SF3B3: variants seen among roughly 807,000 people sequenced by gnomAD.
The protein encoded by SF3B3 is SAP 130.
Under a neutral mutation model 139.2 loss-of-function variants are expected in SF3B3, and 33 were observed. The observed-to-expected ratio is 0.24, with a 90% confidence interval of 0.18 to 0.32. The LOEUF is 0.32. Ranked by LOEUF, SF3B3 falls within the 10% of genes least tolerant of loss-of-function variation. SF3B3 has a pLI of 1.00. For missense variants in SF3B3, 818 were observed against 1,509.4 expected (o/e 0.54, Z 7.59); for synonymous variants, 596 against 563.6 (o/e 1.06, Z -0.81).
Position 70,575,944 on chromosome 16 carries a change from G to C in SF3B3, c.*4131G>C, listed in dbSNP as rs1049406210. 6.6e-6 allele frequency: 1 copy of C among 152,190 alleles called. No homozygotes were observed. The highest frequency in any genetic ancestry group is 2.1e-4 in the South Asian group (1 of 4,822). The allele number at this position is 152,190 out of a possible 1,614,324, so 9.4% of individuals were successfully genotyped here. ...GGGGTCTGCTCCCAATTATTCACACGGTGGTTCATGCCTGGTAATCCCAGC... is the reference window on the plus strand; with the variant it reads ...GGGGTCTGCTCCCAATTATTCACACCGTGGTTCATGCCTGGTAATCCCAGC... On this transcript the variant is annotated 3_prime_UTR_variant, in exon 26 of 26. Transcript: ENST00000302516.
At chr16:70,568,777 T>G (rs2050501132) in intron 22 of SF3B3, among the ~76,000 whole-genome samples, 2 of 152,226 alleles carry the variant, frequency 1.3e-5, no homozygotes. Context: ...TATAAGAACT[T>G]TGGAATGTCT....
Position 70,554,575 on chromosome 16 carries a change from TAGG to T in SF3B3, c.1535_1537del (p.Gly512del). The T allele has an allele frequency of 6.2e-7, 1 of 1,614,140 alleles. No individual in the cohort carries two copies. Reference sequence around the variant, plus strand: ...ACCCCGACCTTGTCCTGCTCCTTATTAGGAGATGATGCCTTGGTGCAGGTGAGG... The same window carrying T: ...ACCCCGACCTTGTCCTGCTCCTTATTAGATGATGCCTTGGTGCAGGTGAGG... On this transcript the variant is annotated inframe_deletion, in exon 12 of 26. Coordinates refer to ENST00000302516, the MANE Select transcript of SF3B3 (RefSeq NM_012426.5).
In SF3B3 at chr16:70,562,085, G is replaced by A. The variant is rs151278191; in HGVS notation, c.2288+301G>A. On this transcript the variant is annotated intron_variant, in intron 17 of 25. Transcript: ENST00000302516. ...GTATTGCCATTGGATTAGTTTTAGA[G>A]CAAGTATTGGATCACTGCATTGATA... Among the ~76,000 whole-genome samples the A allele has an allele frequency of 3.7e-3, 559 of 152,268 alleles. 11 individuals are homozygous for A. The highest frequency in any genetic ancestry group is 0.013 in the African/African-American group (527 of 41,546).
At position 70,550,501 on chromosome 16, in the gene SF3B3, G is replaced by A. The variant is rs1160247460; in HGVS notation, c.1402+2059G>A. ...CTATAAATACAGGTCGGGTTCTGTT[G>A]GTTCACTCACTTTCCAGATACCCGA... On this transcript the variant is annotated intron_variant, in intron 11 of 25. Coordinates refer to ENST00000302516, the MANE Select transcript of SF3B3 (RefSeq NM_012426.5). 4 of 191,074 alleles carry A rather than the reference G, an allele frequency of 2.1e-5. No individual in the cohort carries two copies. The East Asian group carries it at 7.5e-4, about 36-fold the overall frequency. 11.8% of individuals were successfully genotyped at this position (191,074 alleles called of 1,614,324 possible).
At chr16:70,524,506 T>TAAAGCTTACCAAATTTATCTGGTATGTA (rs2050031651) in intron 1 of SF3B3, 1 of 152,228 alleles carries the variant, frequency 6.6e-6, no homozygotes, top group African/African-American at 2.4e-5. Context: ...GGGGAAGTTT[T>TAAAGCTTACCAAATTTATCTGGTATGTA]TTTTGTTTTG....
intron 1 of SF3B3, among the ~76,000 whole-genome samples, chr16:70,526,217 T>TA (rs113896356): frequency 3.3e-5 from 5 of 151,836 alleles, no homozygotes; most frequent in Admixed American, 6.6e-5. Flanking sequence ...TTTATTTATT[T>TA]TTTTTTTTGA....
rs532017082 is a variant in SF3B3, at chr16:70,524,631, A to T, written c.-71+703A>T. 8.0e-3 allele frequency: 1,212 copies of T among 151,812 alleles called. 5 individuals are homozygous for T. The highest frequency in any genetic ancestry group is 0.012 in the Non-Finnish European group (789 of 67,994). The allele number at this position is 151,812 out of a possible 1,614,324, so 9.4% of individuals were successfully genotyped here. On this transcript the variant is annotated intron_variant, in intron 1 of 25. Transcript: ENST00000302516. ...CGGGTTCCAGCGATTCTCTTACCTCAGCCTCCCGAGTAGACTAGCTGGGAT... is the reference window on the plus strand; with the variant it reads ...CGGGTTCCAGCGATTCTCTTACCTCTGCCTCCCGAGTAGACTAGCTGGGAT...
intron 4 of SF3B3, 38 bp downstream of exon 4, chr16:70,530,955 A>G: frequency 3.9e-6 from 6 of 1,545,492 alleles, no homozygotes; most frequent in South Asian, 1.2e-5. Context: ...TCTTTCAGTC[A>G]CCTCAGTGTT....
chr16:70,545,471 C>G (rs893540731), intron 10 of SF3B3, among the ~76,000 whole-genome samples: 2 of 152,276 alleles, frequency 1.3e-5, no homozygotes, highest in Non-Finnish European at 2.9e-5. Context: ...AATGTGGACA[C>G]TAAAAGTTAT....
chr16:70,527,372 G>A (rs547702640), intron 2 of SF3B3, among the ~76,000 whole-genome samples: 1 of 152,246 alleles, frequency 6.6e-6, no homozygotes, highest in East Asian at 1.9e-4. Context: ...CTTGCCATTT[G>A]CAGATTTAAC....
chr16:70,526,734 C>G lies in SF3B3; in HGVS notation c.70+8C>G. 2.5e-6 allele frequency: 4 copies of G among 1,594,166 alleles called. No homozygotes were observed. Among genetic ancestry groups the G allele is most frequent in the Non-Finnish European group, 3.4e-6 (4 of 1,161,878 alleles). On this transcript the variant is annotated splice_region_variant and intron_variant, in intron 2 of 25. Transcript: ENST00000302516. ...TTCATGGAAACTTTTCTGGTAAGTT[C>G]TCTCGTTACCATCTTTTGAAATTTT...
chr16:70,554,330 A>G, intron 11 of SF3B3, 116 bp from the exon 12 acceptor site: 1 of 922,990 alleles, frequency 1.1e-6, no homozygotes, highest in Non-Finnish European at 1.7e-6. Context: ...TGTGTGTAAT[A>G]ACTACACATA....
Position 70,568,467 on chromosome 16 carries a change from G to A in SF3B3, c.3137G>A (p.Gly1046Glu). The A allele has an allele frequency of 6.2e-7, 1 of 1,613,888 alleles. No individual in the cohort carries two copies. Among genetic ancestry groups the A allele is most frequent in the Non-Finnish European group, 8.5e-7 (1 of 1,179,874 alleles). Residue 1046 changes from glycine to glutamate, a missense_variant, in exon 22 of 26, where the codon GGG becomes GAG. Physicochemically the swap from Gly to Glu is moderately conservative, Grantham distance 98 (BLOSUM62 -2). Transcript: ENST00000302516. ...ASLLDYDTVA[G>E]ADKFGNICVV... ...CTCCTGGACTATGACACTGTGGCTG[G>A]GGCAGACAAGTTTGGCAACATATGT...
chr16:70,539,363 C>CATGGTGAAACCCCATCTCT (rs1326136395), intron 8 of SF3B3, among the ~76,000 whole-genome samples, 156 bp downstream of exon 8: 14 of 151,914 alleles, frequency 9.2e-5, no homozygotes, highest in Non-Finnish European at 2.1e-4. Context: ...GCCTGGCCAA[C>CATGGTGAAACCCCATCTCT]ATGGTGAAAC....
chr16:70,560,897 A>G (rs1251966653), intron 16 of SF3B3, among the ~76,000 whole-genome samples: 2 of 152,200 alleles, frequency 1.3e-5, no homozygotes, highest in Non-Finnish European at 2.9e-5. Context: ...GTTTTATCCC[A>G]GTCTTAGATC....
In SF3B3 at chr16:70,536,362, T is replaced by TTTTA. The variant is rs1429506719; in HGVS notation, c.825+958_825+961dup. On this transcript the variant is annotated intron_variant, in intron 6 of 25. Coordinates refer to ENST00000302516, the MANE Select transcript of SF3B3 (RefSeq NM_012426.5). The stretch of plus-strand genomic sequence containing the variant: ...TTTTTTTGTATTTTTATTTTTTGTA[T>TTTTA]TTTATTTATTTATTTATTTGAGACG... Among the ~76,000 whole-genome samples, 4 of 151,826 alleles carry TTTTA rather than the reference T, an allele frequency of 2.6e-5. No homozygotes were observed. The East Asian group carries it at 5.8e-4, about 22-fold the overall frequency.
chr16:70,548,527 C>G, intron 11 of SF3B3, 85 bp downstream of exon 11: 2 of 1,168,868 alleles, frequency 1.7e-6, no homozygotes, highest in African/African-American at 1.5e-5. Context: ...CATAATACTT[C>G]TGTATCATTT....
At chr16:70,567,361 G>A (rs376675594) in intron 20 of SF3B3, 50 bp from the exon 21 acceptor site, 38 of 1,578,820 alleles carry the variant, frequency 2.4e-5, no homozygotes, top group African/African-American at 5.4e-5. Flanking sequence ...GGTGAGGCCT[G>A]TGTCTGGCTG....
At chr16:70,529,684 C>T (rs1443480025) in intron 3 of SF3B3, 3 of 153,560 alleles carry the variant, frequency 2.0e-5, no homozygotes, top group Non-Finnish European at 2.9e-5. Flanking sequence ...AAATGTAGGA[C>T]TCATTAAAAA....
Sources: gnomAD v4.1 joint callset for allele counts (sites outside exome capture counted in the v4.1 genomes callset) on GRCh38, gnomAD v4.1.1 for gene constraint, MANE v1.5 for transcripts, NCBI Gene and HGNC (gene_info 2026-07-23, HGNC 2026-07-21) for gene names.